Variants in ZNF385D observed in about 807,000 individuals in gnomAD.
ZNF385D encodes the protein zinc finger protein 659.
Under a neutral mutation model 35.8 loss-of-function variants are expected in ZNF385D, and 15 were observed. That is an observed-to-expected ratio of 0.42 (90% CI 0.28 to 0.64). The LOEUF (loss-of-function observed/expected upper bound fraction) is 0.64, where lower values mean the gene tolerates loss of function less well. Among genes scored for constraint, ZNF385D ranks in the 30% least tolerant of loss-of-function variants. The probability of loss-of-function intolerance (pLI) is 0.23; values close to 1 mark genes in which losing one functional copy is unlikely to be tolerated. For synonymous variants in ZNF385D, 212 were observed against 186.8 expected (o/e 1.13, Z -1.10); for missense variants, 474 against 494.6 (o/e 0.96, Z 0.39).
intron 2 of ZNF385D, among the ~76,000 whole-genome samples, chr3:22,244,876 A>T (rs1369631496): frequency 6.6e-6 from 1 of 151,538 alleles, no homozygotes; most frequent in Non-Finnish European, 1.5e-5. Context: ...CCAGTCAAAT[A>T]AACAGAACAT....
chr3:21,484,654 A>G (rs376477288), intron 4 of ZNF385D, among the ~76,000 whole-genome samples: 1 of 152,134 alleles, frequency 6.6e-6, no homozygotes, highest in African/African-American at 2.4e-5. Flanking sequence ...CTCTGCTTGC[A>G]TTAGTGCTGA....
chr3:22,094,766 G>A (rs1221271003), intron 3 of ZNF385D, among the ~76,000 whole-genome samples: 3 of 152,014 alleles, frequency 2.0e-5, no homozygotes, highest in Non-Finnish European at 4.4e-5. Flanking sequence ...TGTGTCAAAT[G>A]CTGTCACAGA....
At chr3:22,103,702 T>C (rs1702058549) in intron 3 of ZNF385D, among the ~76,000 whole-genome samples, 1 of 134,996 alleles carries the variant, frequency 7.4e-6, no homozygotes, top group Non-Finnish European at 1.7e-5. Flanking sequence ...TGTGTCAAAG[T>C]CAGGCAAAAA....
intron 3 of ZNF385D, among the ~76,000 whole-genome samples, chr3:21,847,282 T>C (rs1421810649): frequency 6.6e-6 from 1 of 152,082 alleles, no homozygotes; most frequent in East Asian, 1.9e-4. Context: ...CATCACATTA[T>C]GTATATTCAA....
rs1698573881 is a variant in ZNF385D at position 22,040,098 on chromosome 3, T to C, written c.325+128719A>G. Among the ~76,000 whole-genome samples, 3 of 152,300 alleles carry C rather than the reference T, an allele frequency of 2.0e-5. No individual in the cohort carries two copies. The South Asian group carries it at 6.2e-4, about 32-fold the overall frequency. On this transcript the variant is annotated intron_variant, in intron 3 of 5. Coordinates refer to the ZNF385D transcript ENST00000494108. ...CAGTGTGTACCTAACTCTCCTCTTC[T>C]TGAGTTTCTGCAACTGCTCCCTCCT...
chr3:21,498,739 C>G (rs776499306), intron 4 of ZNF385D, among the ~76,000 whole-genome samples: 1 of 151,832 alleles, frequency 6.6e-6, no homozygotes, highest in Non-Finnish European at 1.5e-5. Flanking sequence ...GTCAAGAGAT[C>G]GAGACCATCC....
At chr3:21,487,510 C>T (rs1448394455) in intron 4 of ZNF385D, among the ~76,000 whole-genome samples, 1 of 151,980 alleles carries the variant, frequency 6.6e-6, no homozygotes, top group Non-Finnish European at 1.5e-5. Flanking sequence ...CATTGTCAAT[C>T]CTATGTATTT....
rs1491439646 is a variant in ZNF385D at position 22,030,301 on chromosome 3, A to ATC, written c.325+138514_325+138515dup. On this transcript the variant is annotated intron_variant, in intron 3 of 5. Coordinates refer to the ZNF385D transcript ENST00000494108. ...TATATATATATATATATATATATAT[A>ATC]TCCTATTTGGTCCATCCCTCGAAGA... Among the ~76,000 whole-genome samples the ATC allele has an allele frequency of 3.3e-4, 37 of 110,476 alleles. 1 individual carries two copies. Among genetic ancestry groups the ATC allele is most frequent in the South Asian group, 9.4e-4 (3 of 3,206 alleles). The allele number at this position is 110,476 out of a possible 152,430, so 72.5% of individuals were successfully genotyped here.
intron 3 of ZNF385D, among the ~76,000 whole-genome samples, chr3:21,920,545 C>A (rs930265344): frequency 6.9e-6 from 1 of 145,660 alleles, no homozygotes; most frequent in South Asian, 2.1e-4. Context: ...TAGGCTTAAG[C>A]AAGCCCTGAA....
chr3:21,930,259 C>T (rs1033715399), intron 3 of ZNF385D, among the ~76,000 whole-genome samples: 4 of 143,310 alleles, frequency 2.8e-5, no homozygotes, highest in African/African-American at 1.0e-4. Flanking sequence ...TAAAGTTGAA[C>T]ACTTTTTTTA....
chr3:21,448,822 A>T (rs1324537874), intron 4 of ZNF385D, among the ~76,000 whole-genome samples: 2 of 151,168 alleles, frequency 1.3e-5, no homozygotes, highest in African/African-American at 4.9e-5. Context: ...CCCATTAGCT[A>T]TCACACAGCT....
At chr3:22,178,173 A>C (rs965861125) in intron 2 of ZNF385D, among the ~76,000 whole-genome samples, 4 of 152,184 alleles carry the variant, frequency 2.6e-5, no homozygotes, top group African/African-American at 9.7e-5. Context: ...GACTTCCACA[A>C]TGGTTGAACT....
rs188047242 is a variant in ZNF385D, at chr3:21,524,157, C to G, written c.277-13134G>C. Among the ~76,000 whole-genome samples the G allele has an allele frequency of 1.3e-5, 2 of 152,066 alleles. 1 individual carries two copies. The highest frequency in any genetic ancestry group is 4.1e-4 in the South Asian group (2 of 4,830). On this transcript the variant is annotated intron_variant, in intron 3 of 7. Transcript: ENST00000281523. ...GAAGAGCATGAGTTGGGTTAGGATA[C>G]GTTGAGTTTAATGATCCTTAAAAAC... is the stretch of plus-strand genomic sequence containing the variant.
intron 2 of ZNF385D, among the ~76,000 whole-genome samples, chr3:22,366,691 T>C (rs1236031563): frequency 6.6e-6 from 1 of 152,186 alleles, no homozygotes; most frequent in Non-Finnish European, 1.5e-5. Context: ...AATACATTAG[T>C]TCGTAATCCT....
intron 3 of ZNF385D, among the ~76,000 whole-genome samples, chr3:22,138,888 C>G (rs1014178862): frequency 1.4e-4 from 21 of 151,970 alleles, no homozygotes; most frequent in African/African-American, 3.1e-4. Flanking sequence ...GCAACCTACA[C>G]AATGGGAGAA....
intron 2 of ZNF385D, among the ~76,000 whole-genome samples, chr3:21,647,639 A>C (rs1233298571): frequency 6.6e-6 from 1 of 152,098 alleles, no homozygotes; most frequent in African/African-American, 2.4e-5. Flanking sequence ...AAGTCTGTTT[A>C]TTTTACCCAC....
intron 3 of ZNF385D, among the ~76,000 whole-genome samples, chr3:21,561,021 G>A (rs1559406539): frequency 6.6e-6 from 1 of 152,168 alleles, no homozygotes; most frequent in African/African-American, 2.4e-5. Context: ...ATCCCAGGTC[G>A]ACCTCAGACT....
intron 2 of ZNF385D, among the ~76,000 whole-genome samples, chr3:22,200,037 G>A (rs1696676535): frequency 6.6e-6 from 1 of 152,064 alleles, no homozygotes; most frequent in Non-Finnish European, 1.5e-5. Context: ...GGTGGAGACT[G>A]TGTCAGCACA....
chr3:22,270,899 A>G (rs1701142851), intron 2 of ZNF385D, among the ~76,000 whole-genome samples: 1 of 152,026 alleles, frequency 6.6e-6, no homozygotes, highest in South Asian at 2.1e-4. Context: ...CTAATATCAC[A>G]CAAACTTCTT....
Sources: allele counts gnomAD v4.1 joint callset (sites outside exome capture counted in the v4.1 genomes callset), GRCh38; gene constraint gnomAD v4.1.1; transcripts MANE v1.5; gene names NCBI Gene and HGNC (gene_info 2026-07-23, HGNC 2026-07-21).